Variants in KDM4C observed in about 807,000 individuals in gnomAD.
The protein encoded by KDM4C is lysine demethylase 4C, also known as lysine-specific demethylase 4C.
KDM4C carries 81 observed loss-of-function variants against 129.3 expected under a neutral mutation model. The ratio of observed to expected loss-of-function variants is 0.63; its 90% confidence interval spans 0.52 to 0.75. KDM4C has a LOEUF of 0.75. Ranked by LOEUF, KDM4C falls within the 30% of genes least tolerant of loss-of-function variation. The pLI, the probability that KDM4C is intolerant of heterozygous loss-of-function variation, is 0.00. For missense variants in KDM4C, 1,457 were observed against 1,304.0 expected (o/e 1.12, Z -1.81); for synonymous variants, 573 against 456.1 (o/e 1.26, Z -3.26).
chr9:6,820,593 A>G (rs540436394), intron 4 of KDM4C, among the ~76,000 whole-genome samples: 138 of 152,186 alleles, frequency 9.1e-4, no homozygotes, highest in African/African-American at 3.2e-3. Context: ...CAGCTGGGAT[A>G]TAGCATAGGA....
At chr9:6,986,263 A>G in intron 10 of KDM4C, 81 bp from the exon 11 acceptor site, 1 of 930,300 alleles carries the variant, frequency 1.1e-6, no homozygotes. Flanking sequence ...AAGATACAGA[A>G]TCATTTGGGA....
intron 18 of KDM4C, among the ~76,000 whole-genome samples, chr9:7,125,853 A>T (rs566322902): frequency 6.6e-6 from 1 of 152,174 alleles, no homozygotes; most frequent in Admixed American, 6.5e-5. Context: ...AGCTCATGAC[A>T]TCAAACAAAT....
chr9:7,031,034 C>T (rs561333426), intron 15 of KDM4C, among the ~76,000 whole-genome samples: 2 of 152,044 alleles, frequency 1.3e-5, no homozygotes, highest in South Asian at 2.1e-4. Flanking sequence ...CATTCTTTTT[C>T]TTTTTCCCAA....
At chr9:6,754,880 T>TAAA (rs58382779), upstream of KDM4C, among the ~76,000 whole-genome samples, 67 of 83,274 alleles carry the variant, frequency 8.0e-4, no homozygotes, top group Admixed American at 1.6e-3. Context: ...TGTCTCAAAG[T>TAAA]AAAAAAAAAA....
chr9:6,910,087 A>T (rs898855806), intron 8 of KDM4C, among the ~76,000 whole-genome samples: 6 of 152,190 alleles, frequency 3.9e-5, no homozygotes, highest in African/African-American at 1.2e-4. Context: ...TATAAAATGT[A>T]CTTGAATATT....
intron 18 of KDM4C, among the ~76,000 whole-genome samples, chr9:7,125,267 T>C (rs1308594308): frequency 6.6e-6 from 1 of 152,164 alleles, no homozygotes; most frequent in Admixed American, 6.5e-5. Context: ...TGTCTGTCCT[T>C]GATTGTGTTC....
intron 17 of KDM4C, among the ~76,000 whole-genome samples, chr9:7,093,341 G>A (rs1836024031): frequency 6.6e-6 from 1 of 151,490 alleles, no homozygotes; most frequent in Admixed American, 6.6e-5. Flanking sequence ...AGATAATCAG[G>A]GTTTATGCTC....
chr9:7,129,845 C>T (rs530862365), intron 19 of KDM4C, among the ~76,000 whole-genome samples: 1 of 152,318 alleles, frequency 6.6e-6, no homozygotes, highest in Admixed American at 6.5e-5. Context: ...ACCCTACACA[C>T]TAGGCACTAT....
chr9:6,949,089 G>C (rs1383834032), intron 8 of KDM4C, among the ~76,000 whole-genome samples: 1 of 151,388 alleles, frequency 6.6e-6, no homozygotes, highest in Non-Finnish European at 1.5e-5. Flanking sequence ...TCTCCCGGAC[G>C]GGGCGGCTGG....
At chr9:7,056,476 T>C (rs779945064) in intron 17 of KDM4C, among the ~76,000 whole-genome samples, 3 of 152,212 alleles carry the variant, frequency 2.0e-5, no homozygotes, top group Non-Finnish European at 4.4e-5. Flanking sequence ...ATAAAATCTT[T>C]TGAGTAAAAT....
rs112761231 is a variant in KDM4C, at chr9:6,936,218, A to G, written c.921+42986A>G. Among the ~76,000 whole-genome samples the G allele has an allele frequency of 2.1e-3, 316 of 152,286 alleles. 2 individuals are homozygous for G. The highest frequency in any genetic ancestry group is 7.2e-3 in the African/African-American group (301 of 41,572). ...GATTTCAGGATATCCAGCTGTTTGTATGTTTCGTTTTTAAACTTCACTGCT... is the reference window on the plus strand; with the variant it reads ...GATTTCAGGATATCCAGCTGTTTGTGTGTTTCGTTTTTAAACTTCACTGCT... On this transcript the variant is annotated intron_variant, in intron 8 of 21. Coordinates refer to ENST00000381309, the MANE Select transcript of KDM4C (RefSeq NM_015061.6).
intron 17 of KDM4C, among the ~76,000 whole-genome samples, chr9:7,069,531 A>G (rs12352738): frequency 0.012 from 1,812 of 152,288 alleles, 45 homozygotes; most frequent in African/African-American, 0.041. Flanking sequence ...AACAAAACAA[A>G]ACAAAAAACT....
chr9:7,101,602 G>A (rs1027037121), intron 17 of KDM4C, among the ~76,000 whole-genome samples: 2 of 152,180 alleles, frequency 1.3e-5, no homozygotes, highest in Non-Finnish European at 2.9e-5. Flanking sequence ...TGGTCCTCCT[G>A]GAATAGGGCA....
chr9:6,877,291 C>G (rs1278122160), intron 5 of KDM4C, among the ~76,000 whole-genome samples: 1 of 152,220 alleles, frequency 6.6e-6, no homozygotes, highest in African/African-American at 2.4e-5. Flanking sequence ...AGCTCCACCT[C>G]CTGGCTTCAC....
chr9:6,724,644 C>T (rs1480395772), intron 1 of KDM4C, among the ~76,000 whole-genome samples: 1 of 152,130 alleles, frequency 6.6e-6, no homozygotes, highest in Non-Finnish European at 1.5e-5. Flanking sequence ...CATTCTCCTG[C>T]CTCAGCCTCC....
In KDM4C at chr9:6,944,657, T is replaced by TTG. The variant is rs967580741; in HGVS notation, c.922-36267_922-36266insGT. On this transcript the variant is annotated intron_variant, in intron 8 of 21. Coordinates refer to ENST00000381309, the MANE Select transcript of KDM4C (RefSeq NM_015061.6). ...CACTTTTTGTCAAGGTAGAGGTTTT[T>TTG]TTTTTTTTTTTTTTTTTGCCTCTGT... Among the ~76,000 whole-genome samples, 24 of 140,496 alleles carry TTG rather than the reference T, an allele frequency of 1.7e-4. 1 individual carries two copies. The highest frequency in any genetic ancestry group is 4.9e-4 in the South Asian group (2 of 4,046). The allele number at this position is 140,496 out of a possible 152,430, so 92.2% of individuals were successfully genotyped here. A position where few individuals can be genotyped will look rare whatever the true frequency, so the allele number is the denominator to read the frequency against.
chr9:6,755,455 C>T (rs1009622143), upstream of KDM4C, among the ~76,000 whole-genome samples: 20 of 148,966 alleles, frequency 1.3e-4, no homozygotes, highest in Admixed American at 7.4e-4. Flanking sequence ...GCACAAGGCA[C>T]GAGAATTGCT....
chr9:6,893,356 C>T (rs749036687), intron 8 of KDM4C, 124 bp downstream of exon 8: 1 of 628,634 alleles, frequency 1.6e-6, no homozygotes, highest in Admixed American at 3.2e-5. Flanking sequence ...CCTCTCACCA[C>T]AGCAATTCAC....
At chr9:7,057,289 G>A (rs1830993813) in intron 17 of KDM4C, among the ~76,000 whole-genome samples, 1 of 152,218 alleles carries the variant, frequency 6.6e-6, no homozygotes, top group Non-Finnish European at 1.5e-5. Flanking sequence ...TCTAACATGA[G>A]CTCCTGGTTA....
Sources: allele counts gnomAD v4.1 joint callset (sites outside exome capture counted in the v4.1 genomes callset), GRCh38; gene constraint gnomAD v4.1.1; transcripts MANE v1.5; gene names NCBI Gene and HGNC (gene_info 2026-07-23, HGNC 2026-07-21).